FZR1: variants seen among roughly 807,000 people sequenced by gnomAD.
FZR1 encodes the protein fizzy-related protein homolog.
FZR1 carries 11 observed loss-of-function variants against 63.6 expected under a neutral mutation model. The ratio of observed to expected loss-of-function variants is 0.17; its 90% CI spans 0.11 to 0.29. The LOEUF (loss-of-function observed/expected upper bound fraction) is 0.29, where lower values mean the gene tolerates loss of function less well. Ranked by LOEUF, FZR1 falls within the 10% of genes least tolerant of loss-of-function variation. FZR1 has a pLI of 1.00. For missense variants in FZR1, 440 were observed against 687.5 expected (o/e 0.64, Z 4.03); for synonymous variants, 328 against 297.9 (o/e 1.10, Z -1.04).
rs183506855 is a variant in FZR1, at chr19:3,525,063, C to T, written c.70-805C>T. ...AGTCAGATGGGGTTGGAGGGTTAGA[C>T]GGGTGTTGTGGGCAGCAGGAGATGG... On this transcript the variant is annotated intron_variant, in intron 2 of 13. Coordinates refer to ENST00000441788, the MANE Select transcript of FZR1 (RefSeq NM_016263.4). The surrounding 1 kb of genome is among the most constrained non-coding windows in gnomAD (Gnocchi z 4.2). Among the ~76,000 whole-genome samples the T allele has an allele frequency of 2.0e-5, 3 of 152,068 alleles. No individual in the cohort carries two copies. Among genetic ancestry groups the T allele is most frequent in the Non-Finnish European group, 4.4e-5 (3 of 68,012 alleles).
intron 2 of FZR1, among the ~76,000 whole-genome samples, chr19:3,524,262 G>A (rs2083130760): frequency 6.6e-6 from 1 of 152,200 alleles, no homozygotes; most frequent in Non-Finnish European, 1.5e-5. Context: ...TGGGAGGGCG[G>A]GGCGCAGTGC....
At chr19:3,530,433 C>T (rs564992409) in intron 7 of FZR1, among the ~76,000 whole-genome samples, 1,529 of 68,484 alleles carry the variant, frequency 0.022, 166 homozygotes, top group African/African-American at 0.055. Flanking sequence ...CATGGGAGAG[C>T]GGATGGGAGA....
intron 2 of FZR1, among the ~76,000 whole-genome samples, chr19:3,524,140 C>G (rs982271641): frequency 1.3e-5 from 2 of 152,210 alleles, no homozygotes; most frequent in South Asian, 2.1e-4. Flanking sequence ...CAGAGAGGAT[C>G]TGGGCACCAC....
chr19:3,531,373 C>T (rs1205215461), intron 8 of FZR1, among the ~76,000 whole-genome samples: 1 of 152,226 alleles, frequency 6.6e-6, no homozygotes, highest in East Asian at 1.9e-4. Flanking sequence ...TTGCAGACAG[C>T]AACGCATGTT....
chr19:3,526,520 AC>A lies in FZR1; in HGVS notation c.387+137del. On this transcript the variant is annotated intron_variant, in intron 5 of 13. Coordinates refer to ENST00000441788, the MANE Select transcript of FZR1 (RefSeq NM_016263.4). This position sits in a 1 kb window ranked among gnomAD's most constrained non-coding sequence, Gnocchi z 5.4. ...GCCACGGCTCAGCACCCCCGCCCTGACCCTGTTCCTTAGCCAGGTCAGGGGC... is the reference window on the plus strand; with the variant it reads ...GCCACGGCTCAGCACCCCCGCCCTGACCTGTTCCTTAGCCAGGTCAGGGGC... 1.5e-6 allele frequency: 1 copy of A among 669,770 alleles called. No homozygotes were observed. Among genetic ancestry groups the A allele is most frequent in the Non-Finnish European group, 2.5e-6 (1 of 393,830 alleles). The allele number at this position is 669,770 out of a possible 1,614,324, so 41.5% of individuals were successfully genotyped here.
At chr19:3,511,902 C>G (rs1599771573) in intron 1 of FZR1, among the ~76,000 whole-genome samples, 1 of 152,164 alleles carries the variant, frequency 6.6e-6, no homozygotes, top group South Asian at 2.1e-4. Flanking sequence ...TCAGCTTGTT[C>G]TTCTGCAGGT....
chr19:3,527,934 T>C (rs1028166489), intron 7 of FZR1, 120 bp downstream of exon 7: 9 of 680,544 alleles, frequency 1.3e-5, no homozygotes, highest in African/African-American at 5.6e-5. Context: ...ATGGCCCTCC[T>C]AGCTGGGGCC....
At chr19:3,509,387 C>CT (rs1428885442) in intron 1 of FZR1, among the ~76,000 whole-genome samples, 1 of 152,256 alleles carries the variant, frequency 6.6e-6, no homozygotes, top group Non-Finnish European at 1.5e-5. Context: ...CACCCCCACT[C>CT]TCTCTTGGCT....
intron 7 of FZR1, 28 bp from the exon 8 acceptor site, chr19:3,530,764 C>T: frequency 6.3e-7 from 1 of 1,598,284 alleles, no homozygotes; most frequent in Non-Finnish European, 8.6e-7. Context: ...AGACCAGCGG[C>T]AAAGCTCACA....
chr19:3,525,145 G>A lies in FZR1; in HGVS notation c.70-723G>A, dbSNP rs559750934. Among the ~76,000 whole-genome samples the A allele has an allele frequency of 5.3e-5, 8 of 152,280 alleles. No individual in the cohort carries two copies. Among genetic ancestry groups the A allele is most frequent in the East Asian group, 1.9e-4 (1 of 5,172 alleles). Reference sequence around the variant, plus strand: ...GTACAGCTGTTGCGTGTCTTGTGCCGTCAAGGCCTGCGTCTGTGATCATCT... The same window carrying A: ...GTACAGCTGTTGCGTGTCTTGTGCCATCAAGGCCTGCGTCTGTGATCATCT... On this transcript the variant is annotated intron_variant, in intron 2 of 13. Coordinates refer to ENST00000441788, the MANE Select transcript of FZR1 (RefSeq NM_016263.4). The surrounding 1 kb of genome is among the most constrained non-coding windows in gnomAD (Gnocchi z 4.2).
At chr19:3,532,200 A>T in intron 10 of FZR1, 105 bp downstream of exon 10, 1 of 1,112,946 alleles carries the variant, frequency 9.0e-7, no homozygotes, top group Non-Finnish European at 1.2e-6. Context: ...CGCGGGGCCC[A>T]CTCCACAGCC....
chr19:3,527,926 G>A, intron 7 of FZR1, 112 bp downstream of exon 7: 1 of 768,132 alleles, frequency 1.3e-6, no homozygotes, highest in Non-Finnish European at 2.0e-6. Flanking sequence ...CGCCTGCCAT[G>A]GCCCTCCTAG....
At chr19:3,512,657 T>C (rs903697228) in intron 1 of FZR1, among the ~76,000 whole-genome samples, 3 of 152,110 alleles carry the variant, frequency 2.0e-5, no homozygotes, top group Non-Finnish European at 4.4e-5. Flanking sequence ...CCGCGTGTGC[T>C]GGGTGGGGTG....
chr19:3,537,542 CA>C lies in FZR1; in HGVS notation c.*2707del, dbSNP rs1358879513. The stretch of plus-strand genomic sequence containing the variant: ...AGGTGCAGGAGGCAGGAGCCTGGCC[CA>C]GGGGGTGCTGGTGCCTCCCCGGGGT... On this transcript the variant is annotated 3_prime_UTR_variant, in exon 14 of 14. Transcript: ENST00000441788. 3 of 152,526 alleles carry C rather than the reference CA, an allele frequency of 2.0e-5. No individual in the cohort carries two copies. The highest frequency in any genetic ancestry group is 4.8e-5 in the African/African-American group (2 of 41,456). The allele number at this position is 152,526 out of a possible 1,614,324, so 9.4% of individuals were successfully genotyped here.
In FZR1 at chr19:3,515,781, A is replaced by G. The variant is rs2083054771; in HGVS notation, c.-34-7175A>G. ...ACTCCGTCTCTAAAAAAAAAAAAAA[A>G]AGGAATTCAAGAAGTACAAAACGAG... On this transcript the variant is annotated intron_variant, in intron 1 of 13. Transcript: ENST00000441788. The surrounding 1 kb of genome is among the most constrained non-coding windows in gnomAD (Gnocchi z 4.6). 6.6e-6 allele frequency among the ~76,000 whole-genome samples: 1 copy of G among 151,144 alleles called. No homozygotes were observed. The highest frequency in any genetic ancestry group is 1.5e-5 in the Non-Finnish European group (1 of 67,862).
intron 1 of FZR1, among the ~76,000 whole-genome samples, chr19:3,508,044 C>G (rs2082997911): frequency 6.6e-6 from 1 of 151,652 alleles, no homozygotes; most frequent in Non-Finnish European, 1.5e-5. Context: ...CCAGTTTGCC[C>G]CTGTGACTTG....
At position 3,525,248 on chromosome 19, in the gene FZR1, C is replaced by T. The variant is rs531088576; in HGVS notation, c.70-620C>T. ...TTGTGCTCCCTGGCTCTGTCCCCTC[C>T]GCCATGGCCCCCATTCCTGCCACTC... On this transcript the variant is annotated intron_variant, in intron 2 of 13. Coordinates refer to ENST00000441788, the MANE Select transcript of FZR1 (RefSeq NM_016263.4). The surrounding 1 kb of genome is among the most constrained non-coding windows in gnomAD (Gnocchi z 4.2). Among the ~76,000 whole-genome samples the T allele has an allele frequency of 1.1e-4, 17 of 152,144 alleles. No homozygotes were observed. Among genetic ancestry groups the T allele is most frequent in the Admixed American group, 7.2e-4 (11 of 15,282 alleles).
At chr19:3,519,272 TG>T (rs2083081174) in intron 1 of FZR1, among the ~76,000 whole-genome samples, 1 of 152,222 alleles carries the variant, frequency 6.6e-6, no homozygotes. Context: ...GCACAGGTCC[TG>T]GGGTCAGGAC....
intron 2 of FZR1, among the ~76,000 whole-genome samples, chr19:3,523,921 A>G (rs1268544862): frequency 6.6e-6 from 1 of 152,180 alleles, no homozygotes; most frequent in African/African-American, 2.4e-5. Context: ...GCGGGAGCCC[A>G]CCACAGCCGC....
Sources: gnomAD v4.1 joint callset for allele counts (sites outside exome capture counted in the v4.1 genomes callset) on GRCh38, gnomAD v4.1.1 for gene constraint, Gnocchi (gnomAD v3.1) non-coding constraint, MANE v1.5 for transcripts, NCBI Gene and HGNC (gene_info 2026-07-23, HGNC 2026-07-21) for gene names.